Variants in HMGCLL1 observed in about 807,000 individuals in gnomAD.
HMGCLL1 encodes 3-hydroxy-3-methylglutaryl-CoA lyase like 1, also known as 3-hydroxymethyl-3-methylglutaryl-CoA lyase, cytoplasmic.
Under a neutral mutation model 39.1 loss-of-function variants are expected in HMGCLL1, and 36 were observed. The observed-to-expected ratio is 0.92, with a 90% CI of 0.71 to 1.22. The LOEUF is 1.22. Ranked by LOEUF, HMGCLL1 falls within the 50% of genes most tolerant of loss-of-function variation. The pLI, the probability that HMGCLL1 is intolerant of heterozygous loss-of-function variation, is 0.00. For synonymous variants in HMGCLL1, 149 were observed against 144.0 expected (o/e 1.03, Z -0.25); for missense variants, 451 against 416.5 (o/e 1.08, Z -0.72).
At chr6:55,554,578 G>A (rs896411420) in intron 1 of HMGCLL1, among the ~76,000 whole-genome samples, 5 of 152,024 alleles carry the variant, frequency 3.3e-5, no homozygotes, top group Non-Finnish European at 7.4e-5. Flanking sequence ...ACATCAAAAT[G>A]TATCAGAATT....
intron 1 of HMGCLL1, among the ~76,000 whole-genome samples, chr6:55,561,248 C>T (rs1770930904): frequency 6.6e-6 from 1 of 152,060 alleles, no homozygotes; most frequent in Non-Finnish European, 1.5e-5. Flanking sequence ...CATTATCTTA[C>T]AAAAATCATC....
At chr6:55,523,242 T>C (rs1351383344) in intron 3 of HMGCLL1, among the ~76,000 whole-genome samples, 2 of 151,904 alleles carry the variant, frequency 1.3e-5, no homozygotes, top group African/African-American at 4.8e-5. Flanking sequence ...TGTAATAGTG[T>C]ACTAGGTAAG....
At chr6:55,538,835 TACAC>T (rs201267189) in intron 3 of HMGCLL1, among the ~76,000 whole-genome samples, 2 of 148,998 alleles carry the variant, frequency 1.3e-5, no homozygotes, top group African/African-American at 2.5e-5. Flanking sequence ...TATATACACA[TACAC>T]ACACACACAC....
At chr6:55,475,502 C>G (rs907732800) in intron 7 of HMGCLL1, among the ~76,000 whole-genome samples, 26 of 151,700 alleles carry the variant, frequency 1.7e-4, no homozygotes, top group African/African-American at 5.1e-4. Flanking sequence ...GCTCTTCAAC[C>G]TCAGTTTTCT....
the HMGCLL1 span, among the ~76,000 whole-genome samples, chr6:55,593,156 T>A: frequency 6.6e-6 from 1 of 152,070 alleles, no homozygotes; most frequent in East Asian, 1.9e-4. Flanking sequence ...CCCAGGCAGA[T>A]ATTTAAAGAC....
the HMGCLL1 span, among the ~76,000 whole-genome samples, chr6:55,613,789 G>A: frequency 6.6e-6 from 1 of 152,076 alleles, no homozygotes; most frequent in Non-Finnish European, 1.5e-5. Flanking sequence ...GGGACAAGGG[G>A]AGGGAGAGTA....
At chr6:55,672,666 A>G in the HMGCLL1 span, among the ~76,000 whole-genome samples, 3 of 151,960 alleles carry the variant, frequency 2.0e-5, no homozygotes, top group East Asian at 1.9e-4. Flanking sequence ...AGCCTTGAAC[A>G]TAAGAAGTAC....
chr6:55,650,100 T>TATATATATACACACATATAC, the HMGCLL1 span, among the ~76,000 whole-genome samples: 22 of 33,148 alleles, frequency 6.6e-4, no homozygotes, highest in African/African-American at 4.3e-3. Context: ...CATATATATA[T>TATATATATACACACATATAC]ATATATATAT....
the HMGCLL1 span, among the ~76,000 whole-genome samples, chr6:55,599,650 T>C: frequency 2.6e-5 from 4 of 152,142 alleles, no homozygotes; most frequent in African/African-American, 4.8e-5. Flanking sequence ...TTATAAAAAA[T>C]ATAAATGCCT....
the HMGCLL1 span, among the ~76,000 whole-genome samples, chr6:55,598,254 T>C: frequency 6.6e-6 from 1 of 152,212 alleles, no homozygotes; most frequent in African/African-American, 2.4e-5. Context: ...TCCTGTGTCC[T>C]GTTCTTACTT....
intron 1 of HMGCLL1, among the ~76,000 whole-genome samples, chr6:55,569,769 A>T (rs934951344): frequency 4.6e-5 from 7 of 152,210 alleles, no homozygotes; most frequent in African/African-American, 1.4e-4. Context: ...AGGAGGGTAT[A>T]ACATGGCTAT....
intron 1 of HMGCLL1, among the ~76,000 whole-genome samples, chr6:55,574,905 A>T (rs1771688909): frequency 6.6e-6 from 1 of 152,054 alleles, no homozygotes; most frequent in Admixed American, 6.6e-5. Context: ...ATGTAAAATA[A>T]CTATAAATTT....
At chr6:55,601,494 T>C in the HMGCLL1 span, among the ~76,000 whole-genome samples, 19 of 152,168 alleles carry the variant, frequency 1.2e-4, no homozygotes, top group Non-Finnish European at 2.5e-4. Flanking sequence ...TGCATTCTAT[T>C]AACCAAAACA....
the HMGCLL1 span, among the ~76,000 whole-genome samples, chr6:55,666,435 A>G: frequency 1.3e-5 from 2 of 151,718 alleles, no homozygotes; most frequent in Non-Finnish European, 2.9e-5. Flanking sequence ...CAAAGTCCTT[A>G]AGCAAAAGCA....
intron 5 of HMGCLL1, among the ~76,000 whole-genome samples, chr6:55,501,021 TGACAG>T (rs1561920754): frequency 1.3e-5 from 2 of 151,932 alleles, no homozygotes; most frequent in Non-Finnish European, 2.9e-5. Context: ...ACCACTTTAT[TGACAG>T]AACCTTAACT....
intron 1 of HMGCLL1, among the ~76,000 whole-genome samples, chr6:55,554,281 A>G (rs1043111283): frequency 1.3e-5 from 2 of 152,176 alleles, no homozygotes; most frequent in South Asian, 2.1e-4. Context: ...GCTAGGCTTT[A>G]ATTTCTTCTT....
At chr6:55,494,328 A>G (rs1046572640) in intron 7 of HMGCLL1, among the ~76,000 whole-genome samples, 2 of 93,674 alleles carry the variant, frequency 2.1e-5, no homozygotes, top group African/African-American at 4.0e-5. Context: ...AGAGAGAGAG[A>G]AACAGCCCTT....
the HMGCLL1 span, among the ~76,000 whole-genome samples, chr6:55,622,709 A>G: frequency 6.6e-6 from 1 of 152,010 alleles, no homozygotes; most frequent in Non-Finnish European, 1.5e-5. Context: ...GATAAATTGA[A>G]CTGTAATTTT....
rs1178692410 is a variant in HMGCLL1 at position 55,466,395 on chromosome 6, T to C, written c.796-26836A>G. Among the ~76,000 whole-genome samples, 5 of 152,252 alleles carry C rather than the reference T, an allele frequency of 3.3e-5. No homozygotes were observed. In the East Asian group the frequency reaches 5.8e-4, roughly 18 times the overall value. Reference sequence around the variant, plus strand: ...TTTGAGCTAATTTGAGAATCCGCTTTGAGAATCCGCTTTGAGAATCTGCTT... The same window carrying C: ...TTTGAGCTAATTTGAGAATCCGCTTCGAGAATCCGCTTTGAGAATCTGCTT... On this transcript the variant is annotated intron_variant, in intron 7 of 8. Coordinates refer to ENST00000274901, the MANE Select transcript of HMGCLL1 (RefSeq NM_001042406.2).
Sources: allele counts gnomAD v4.1 joint callset (sites outside exome capture counted in the v4.1 genomes callset), GRCh38; gene constraint gnomAD v4.1.1; transcripts MANE v1.5; gene names NCBI Gene and HGNC (gene_info 2026-07-23, HGNC 2026-07-21).